Variants in CACNA2D3 observed in about 807,000 individuals in gnomAD.
CACNA2D3 encodes the protein calcium voltage-gated channel auxiliary subunit alpha2delta 3.
Under a neutral mutation model 160.6 loss-of-function variants are expected in CACNA2D3, and 60 were observed. The ratio of observed to expected loss-of-function variants is 0.37; its 90% CI spans 0.30 to 0.46. The LOEUF (loss-of-function observed/expected upper bound fraction) is 0.46, where lower values mean the gene tolerates loss of function less well. Among genes scored for constraint, CACNA2D3 ranks in the 20% least tolerant of loss-of-function variants. CACNA2D3 has a pLI of 1.00. For missense variants in CACNA2D3, 1,205 were observed against 1,365.0 expected (o/e 0.88, Z 1.85); for synonymous variants, 558 against 492.9 (o/e 1.13, Z -1.75).
chr3:54,687,140 T>TTTTTTTTTTTTTTTTTG (rs1559549449), intron 11 of CACNA2D3, among the ~76,000 whole-genome samples: 1 of 69,684 alleles, frequency 1.4e-5, no homozygotes. Context: ...TTTTTGTTTT[T>TTTTTTTTTTTTTTTTTG]TTTTTTTTTT....
At chr3:54,736,912 GA>G (rs1279927045) in intron 11 of CACNA2D3, among the ~76,000 whole-genome samples, 1 of 152,168 alleles carries the variant, frequency 6.6e-6, no homozygotes, top group African/African-American at 2.4e-5. Context: ...TGATGACAGT[GA>G]CCACCTCAAT....
chr3:54,924,905 G>T, intron 27 of CACNA2D3: 1 of 1,613,584 alleles, frequency 6.2e-7, no homozygotes. Flanking sequence ...GTGAATTCTG[G>T]GTTAGATTTA....
At chr3:54,540,521 G>C (rs1701955606) in intron 5 of CACNA2D3, among the ~76,000 whole-genome samples, 2 of 152,164 alleles carry the variant, frequency 1.3e-5, no homozygotes. Context: ...GAAATCGTCA[G>C]ACAGGACTCA....
chr3:54,191,292 G>GT (rs992728507), intron 2 of CACNA2D3, among the ~76,000 whole-genome samples: 1 of 152,236 alleles, frequency 6.6e-6, no homozygotes, highest in East Asian at 1.9e-4. Flanking sequence ...ATCTTCAGTG[G>GT]TTTTTTGTGA....
At chr3:54,289,218 A>T (rs1258432119) in intron 2 of CACNA2D3, among the ~76,000 whole-genome samples, 1 of 152,186 alleles carries the variant, frequency 6.6e-6, no homozygotes, top group African/African-American at 2.4e-5. Flanking sequence ...GTCTCAGGAT[A>T]CAAAATCAAT....
intron 27 of CACNA2D3, among the ~76,000 whole-genome samples, chr3:54,923,937 A>G (rs1442034182): frequency 6.6e-6 from 1 of 152,214 alleles, no homozygotes; most frequent in Non-Finnish European, 1.5e-5. Context: ...TTATATAATG[A>G]ATGGGCATGG....
chr3:54,135,684 A>G (rs1375262939), intron 2 of CACNA2D3, among the ~76,000 whole-genome samples: 1 of 152,192 alleles, frequency 6.6e-6, no homozygotes, highest in Non-Finnish European at 1.5e-5. Flanking sequence ...TACGTAGAGC[A>G]CTGTGTGCCC....
chr3:54,755,732 T>TTAAAAACC (rs1701956682), intron 12 of CACNA2D3, among the ~76,000 whole-genome samples: 1 of 152,204 alleles, frequency 6.6e-6, no homozygotes, highest in Non-Finnish European at 1.5e-5. Context: ...TTGTTGACAT[T>TTAAAAACC]TAAAAACCTT....
intron 2 of CACNA2D3, among the ~76,000 whole-genome samples, chr3:54,294,089 G>C (rs550447954): frequency 2.0e-5 from 3 of 152,296 alleles, no homozygotes; most frequent in African/African-American, 7.2e-5. Context: ...TGAAATGGCA[G>C]AATAAAGAAG....
At chr3:54,870,470 A>G (rs1699500511) in intron 17 of CACNA2D3, among the ~76,000 whole-genome samples, 1 of 152,192 alleles carries the variant, frequency 6.6e-6, no homozygotes, top group South Asian at 2.1e-4. Context: ...TGTGCCATTA[A>G]CCGTAACTGA....
At chr3:54,818,512 A>G (rs1575493441) in intron 14 of CACNA2D3, among the ~76,000 whole-genome samples, 1 of 152,228 alleles carries the variant, frequency 6.6e-6, no homozygotes. Flanking sequence ...AAACAAAGCA[A>G]CACAGAATAC....
At chr3:54,304,485 AC>A (rs1235147560) in intron 2 of CACNA2D3, among the ~76,000 whole-genome samples, 7 of 152,350 alleles carry the variant, frequency 4.6e-5, no homozygotes, top group African/African-American at 1.7e-4. Context: ...TTGTAAAAAA[AC>A]AATTACATTT....
At chr3:54,216,762 C>T (rs187625807) in intron 2 of CACNA2D3, among the ~76,000 whole-genome samples, 116 of 152,210 alleles carry the variant, frequency 7.6e-4, no homozygotes, top group Admixed American at 5.5e-3. Flanking sequence ...AGGTGTAAGA[C>T]GGGACTCCTC....
At chr3:54,852,663 A>G (rs1170673172) in intron 17 of CACNA2D3, among the ~76,000 whole-genome samples, 3 of 152,140 alleles carry the variant, frequency 2.0e-5, no homozygotes, top group African/African-American at 7.2e-5. Flanking sequence ...GTTAGTGGTT[A>G]TAGATGGGTC....
At chr3:54,155,431 G>A (rs563297983) in intron 2 of CACNA2D3, among the ~76,000 whole-genome samples, 1 of 152,302 alleles carries the variant, frequency 6.6e-6, no homozygotes, top group Admixed American at 6.5e-5. Context: ...ATCTTTACCT[G>A]CCTTGGCTCA....
intron 9 of CACNA2D3, among the ~76,000 whole-genome samples, chr3:54,597,204 G>C (rs1309456482): frequency 6.6e-6 from 1 of 152,084 alleles, no homozygotes; most frequent in Non-Finnish European, 1.5e-5. Flanking sequence ...AGGCCTTGCT[G>C]CCTCTCTGTC....
intron 11 of CACNA2D3, among the ~76,000 whole-genome samples, chr3:54,732,241 C>T (rs537424199): frequency 2.0e-5 from 3 of 152,354 alleles, no homozygotes; most frequent in Middle Eastern, 3.4e-3. Context: ...GCAGAATGTT[C>T]AGGACGACAA....
chr3:54,223,305 G>T (rs1201001077), intron 2 of CACNA2D3, among the ~76,000 whole-genome samples: 2 of 152,156 alleles, frequency 1.3e-5, no homozygotes, highest in African/African-American at 4.8e-5. Flanking sequence ...AACCTGTATA[G>T]CACGTTACTG....
chr3:54,454,110 C>A (rs1465286881), intron 4 of CACNA2D3, among the ~76,000 whole-genome samples: 1 of 152,182 alleles, frequency 6.6e-6, no homozygotes, highest in Non-Finnish European at 1.5e-5. Flanking sequence ...TGCACACACC[C>A]TCCACTGATT....
Sources: allele counts gnomAD v4.1 joint callset (sites outside exome capture counted in the v4.1 genomes callset), GRCh38; gene constraint gnomAD v4.1.1; transcripts MANE v1.5; gene names NCBI Gene and HGNC (gene_info 2026-07-23, HGNC 2026-07-21).